POU6F2: variants seen among roughly 807,000 people sequenced by gnomAD.
The protein encoded by POU6F2 is POU domain, class 6, transcription factor 2.
Under a neutral mutation model 71.3 loss-of-function variants are expected in POU6F2, and 31 were observed. That is an observed-to-expected ratio of 0.43 (90% CI 0.33 to 0.59). The LOEUF is 0.59. Among genes scored for constraint, POU6F2 ranks in the 20% least tolerant of loss-of-function variants. POU6F2 has a pLI of 0.04. For missense variants in POU6F2, 783 were observed against 856.8 expected (o/e 0.91, Z 1.07); for synonymous variants, 347 against 355.7 (o/e 0.98, Z 0.27).
chr7:39,176,052 G>A (rs1204266285), intron 2 of POU6F2, among the ~76,000 whole-genome samples: 1 of 152,126 alleles, frequency 6.6e-6, no homozygotes, highest in Non-Finnish European at 1.5e-5. Flanking sequence ...TCTTCCTTCA[G>A]TGTATTCCCT....
intron 4 of POU6F2, among the ~76,000 whole-genome samples, chr7:39,322,306 C>G (rs894940405): frequency 2.0e-5 from 3 of 152,202 alleles, no homozygotes; most frequent in African/African-American, 7.2e-5. Context: ...CGCCTGCTCA[C>G]TCAACAGGGC....
At chr7:39,057,885 C>T (rs376202060) in intron 1 of POU6F2, among the ~76,000 whole-genome samples, 1 of 152,290 alleles carries the variant, frequency 6.6e-6, no homozygotes, top group African/African-American at 2.4e-5. Context: ...CTATTCTTCA[C>T]AGAGTGAGGC....
intron 3 of POU6F2, among the ~76,000 whole-genome samples, chr7:39,206,650 T>G (rs1794017287): frequency 6.6e-6 from 1 of 152,230 alleles, no homozygotes. Flanking sequence ...TCTAAAGAGG[T>G]GTCATAATGA....
chr7:38,988,829 G>A (rs1788527008), intron 1 of POU6F2, among the ~76,000 whole-genome samples: 1 of 152,122 alleles, frequency 6.6e-6, no homozygotes, highest in Non-Finnish European at 1.5e-5. Flanking sequence ...TTAATCATAT[G>A]CAAAATCACA....
intron 7 of POU6F2, among the ~76,000 whole-genome samples, chr7:39,438,921 C>G (rs1318378589): frequency 6.6e-6 from 1 of 152,172 alleles, no homozygotes; most frequent in Non-Finnish European, 1.5e-5. Context: ...TGTTAATCTT[C>G]TGTCTCATTG....
chr7:39,149,888 T>TC (rs1792711810), intron 2 of POU6F2, among the ~76,000 whole-genome samples: 1 of 150,282 alleles, frequency 6.7e-6, no homozygotes, highest in Non-Finnish European at 1.5e-5. Context: ...AGATTTCCTT[T>TC]TTTTTTTTTT....
intron 4 of POU6F2, among the ~76,000 whole-genome samples, chr7:39,275,807 T>A (rs1469284921): frequency 6.6e-6 from 1 of 151,736 alleles, no homozygotes; most frequent in Admixed American, 6.6e-5. Context: ...GGGGAAAGGA[T>A]TCCCTATTTA....
intron 6 of POU6F2, among the ~76,000 whole-genome samples, chr7:39,413,507 T>A (rs994433496): frequency 1.3e-5 from 2 of 152,212 alleles, no homozygotes; most frequent in Non-Finnish European, 2.9e-5. Flanking sequence ...AGCAATCTAT[T>A]CATATCACCT....
At chr7:39,278,917 A>G (rs538155651) in intron 4 of POU6F2, among the ~76,000 whole-genome samples, 55 of 152,202 alleles carry the variant, frequency 3.6e-4, no homozygotes, top group African/African-American at 1.3e-3. Flanking sequence ...CTCATTACCA[A>G]CTACTTCCAA....
At chr7:39,182,988 C>A (rs1793465377) in intron 2 of POU6F2, among the ~76,000 whole-genome samples, 1 of 152,144 alleles carries the variant, frequency 6.6e-6, no homozygotes, top group South Asian at 2.1e-4. Flanking sequence ...GACTAGGTGT[C>A]CCCAACTCCC....
chr7:39,205,408 A>G (rs1210875128), intron 3 of POU6F2, among the ~76,000 whole-genome samples: 1 of 152,054 alleles, frequency 6.6e-6, no homozygotes, highest in Non-Finnish European at 1.5e-5. Context: ...GCAGCCCCAC[A>G]GGCCCAGGTC....
chr7:39,311,624 A>G (rs1043953022), intron 4 of POU6F2, among the ~76,000 whole-genome samples: 9 of 152,246 alleles, frequency 5.9e-5, no homozygotes, highest in African/African-American at 2.2e-4. Flanking sequence ...ATGTTACAGC[A>G]TTAGACCAGG....
chr7:39,359,558 T>C (rs1412244742), intron 5 of POU6F2, among the ~76,000 whole-genome samples: 2 of 152,140 alleles, frequency 1.3e-5, no homozygotes, highest in African/African-American at 2.4e-5. Context: ...AGGCTTTAAT[T>C]AATTAAATTA....
chr7:39,085,735 G>C (rs1791225698), intron 1 of POU6F2, 125 bp from the exon 2 acceptor site: 1 of 974,440 alleles, frequency 1.0e-6, no homozygotes, highest in Non-Finnish European at 1.5e-6. Context: ...ATAAGAGAGA[G>C]AGGAGAGAGG....
chr7:39,065,979 G>A (rs1790746722), intron 1 of POU6F2, among the ~76,000 whole-genome samples: 2 of 151,582 alleles, frequency 1.3e-5, no homozygotes, highest in South Asian at 2.1e-4. Flanking sequence ...CCACAACAGA[G>A]CAATTGAAAA....
chr7:39,426,104 C>T (rs114656862), intron 6 of POU6F2, among the ~76,000 whole-genome samples: 163 of 152,334 alleles, frequency 1.1e-3, no homozygotes, highest in African/African-American at 3.7e-3. Flanking sequence ...GCCGGCCCCT[C>T]CTGCTCTCCC....
chr7:39,229,484 C>T (rs1041217180), intron 4 of POU6F2, among the ~76,000 whole-genome samples: 1 of 152,226 alleles, frequency 6.6e-6, no homozygotes, highest in East Asian at 1.9e-4. Flanking sequence ...GGTTTAATTT[C>T]CCAACAATGA....
chr7:39,413,625 A>G (rs959463023), intron 6 of POU6F2, among the ~76,000 whole-genome samples: 4 of 152,190 alleles, frequency 2.6e-5, no homozygotes, highest in Non-Finnish European at 5.9e-5. Context: ...TTATTTTAAA[A>G]GGTGTAAAAA....
At chr7:39,196,311 C>T (rs1288863177) in intron 2 of POU6F2, among the ~76,000 whole-genome samples, 1 of 152,070 alleles carries the variant, frequency 6.6e-6, no homozygotes, top group African/African-American at 2.4e-5. Flanking sequence ...AAAACAAAAT[C>T]GTATTTTATC....
Sources: allele counts gnomAD v4.1 joint callset (sites outside exome capture counted in the v4.1 genomes callset), GRCh38; gene constraint gnomAD v4.1.1; transcripts MANE v1.5; gene names NCBI Gene and HGNC (gene_info 2026-07-23, HGNC 2026-07-21).